Variants in ASTN2 observed in about 807,000 individuals in gnomAD.
ASTN2 encodes the protein astrotactin 2.
ASTN2 carries 54 observed loss-of-function variants against 139.8 expected under a neutral mutation model. The ratio of observed to expected loss-of-function variants is 0.39; its 90% CI spans 0.31 to 0.48. The LOEUF is 0.48. Among genes scored for constraint, ASTN2 ranks in the 20% least tolerant of loss-of-function variants. ASTN2 has a pLI of 0.95. For synonymous variants in ASTN2, 756 were observed against 719.5 expected, an observed-to-expected ratio of 1.05 and a Z score of -0.81; for missense variants, 1,565 against 1,725.1, an observed-to-expected ratio of 0.91 and a Z score of 1.64.
chr9:116,946,672 G>C (rs1835402826), intron 10 of ASTN2, among the ~76,000 whole-genome samples: 1 of 152,062 alleles, frequency 6.6e-6, no homozygotes, highest in East Asian at 1.9e-4. Context: ...TACTCCGGGA[G>C]TGTTTTTCGT....
chr9:116,860,180 T>C (rs992449261), intron 11 of ASTN2, among the ~76,000 whole-genome samples: 11 of 152,140 alleles, frequency 7.2e-5, no homozygotes, highest in African/African-American at 9.7e-5. Context: ...TGAGCTAAAA[T>C]GTTCAGTTAA....
At chr9:116,850,258 A>G (rs1333092024) in intron 11 of ASTN2, among the ~76,000 whole-genome samples, 1 of 152,160 alleles carries the variant, frequency 6.6e-6, no homozygotes, top group Non-Finnish European at 1.5e-5. Context: ...TCTACATGCT[A>G]TTTACTGAGT....
intron 10 of ASTN2, among the ~76,000 whole-genome samples, chr9:116,949,103 A>G (rs545477572): frequency 6.6e-6 from 1 of 151,932 alleles, no homozygotes; most frequent in African/African-American, 2.4e-5. Flanking sequence ...TCTCTTTTTC[A>G]AAACAGTAAT....
Position 116,829,264 on chromosome 9 carries a change from A to C in ASTN2, c.2041-8481T>G, listed in dbSNP as rs529947181. Among the ~76,000 whole-genome samples, 3 of 151,534 alleles carry C rather than the reference A, an allele frequency of 2.0e-5. No individual in the cohort carries two copies. The Admixed American group carries it at 2.0e-4, about 10-fold the overall frequency. On this transcript the variant is annotated intron_variant, in intron 11 of 22. Coordinates refer to ENST00000313400, the MANE Select transcript of ASTN2 (RefSeq NM_001365068.1). ...ATTATCTGACTTCAAATTATAGTAC[A>C]AGGCATAGTAACCACAAAACCATGG... is the stretch of plus-strand genomic sequence containing the variant.
At chr9:117,021,081 A>C (rs1476034800) in intron 6 of ASTN2, among the ~76,000 whole-genome samples, 2 of 151,854 alleles carry the variant, frequency 1.3e-5, no homozygotes, top group African/African-American at 4.8e-5. Context: ...CTAACTTTTA[A>C]ATTTTTTGTA....
At chr9:116,873,449 G>A (rs142955089) in intron 10 of ASTN2, among the ~76,000 whole-genome samples, 32 of 152,306 alleles carry the variant, frequency 2.1e-4, no homozygotes, top group African/African-American at 7.0e-4. Context: ...AGGAGGCATG[G>A]CCATTTTCCT....
chr9:116,534,309 C>A (rs1044698675), intron 19 of ASTN2, among the ~76,000 whole-genome samples: 4 of 152,112 alleles, frequency 2.6e-5, no homozygotes, highest in African/African-American at 9.7e-5. Flanking sequence ...TTTCAAAAAA[C>A]CAGCTCCTGG....
intron 3 of ASTN2, among the ~76,000 whole-genome samples, chr9:117,164,157 A>G (rs1196197751): frequency 6.6e-6 from 1 of 152,110 alleles, no homozygotes; most frequent in East Asian, 1.9e-4. Flanking sequence ...TATCAGTTTT[A>G]GAAGCATCCA....
chr9:117,051,462 T>C (rs1390547545), intron 5 of ASTN2, among the ~76,000 whole-genome samples: 1 of 152,144 alleles, frequency 6.6e-6, no homozygotes, highest in South Asian at 2.1e-4. Context: ...TATTACTATG[T>C]AGTCTCTCTT....
intron 11 of ASTN2, among the ~76,000 whole-genome samples, chr9:116,853,662 C>G (rs1342462811): frequency 6.6e-6 from 1 of 152,190 alleles, no homozygotes; most frequent in African/African-American, 2.4e-5. Flanking sequence ...ACCCTTTAGG[C>G]CAAATACCCT....
chr9:116,667,605 A>C (rs1283635966), intron 16 of ASTN2, among the ~76,000 whole-genome samples: 2 of 152,328 alleles, frequency 1.3e-5, no homozygotes, highest in Non-Finnish European at 2.9e-5. Context: ...CATTGAGAAA[A>C]GACGGCTGCC....
intron 7 of ASTN2, 74 bp from the exon 8 acceptor site, chr9:116,976,859 T>C: frequency 7.2e-7 from 1 of 1,388,074 alleles, no homozygotes; most frequent in South Asian, 1.2e-5. Context: ...TTTGCTTGTT[T>C]TCCTAAGACA....
At chr9:117,276,588 A>AAAAC (rs1834195437) in intron 2 of ASTN2, among the ~76,000 whole-genome samples, 2 of 152,212 alleles carry the variant, frequency 1.3e-5, no homozygotes, top group Non-Finnish European at 1.5e-5. Context: ...CAGGACACAT[A>AAAAC]AGGACTGTAA....
intron 1 of ASTN2, among the ~76,000 whole-genome samples, chr9:117,409,396 T>A (rs1345114806): frequency 1.3e-5 from 2 of 152,190 alleles, no homozygotes; most frequent in Non-Finnish European, 2.9e-5. Flanking sequence ...AATAAGGGTA[T>A]ACAACGGTCT....
rs185625535 is a variant in ASTN2, at chr9:116,804,402, G to T, written c.2396+1230C>A. Among the ~76,000 whole-genome samples the T allele has an allele frequency of 4.6e-5, 7 of 152,076 alleles. No homozygotes were observed. The East Asian group carries it at 1.2e-3, about 25-fold the overall frequency. On this transcript the variant is annotated intron_variant, in intron 13 of 22. Transcript: ENST00000313400. ...ATGAAGCTAAAATGAAATTATCTTGGCTCTCCTACTTCCTAGAAGGGAGTC... is the reference window on the plus strand; with the variant it reads ...ATGAAGCTAAAATGAAATTATCTTGTCTCTCCTACTTCCTAGAAGGGAGTC...
intron 10 of ASTN2, among the ~76,000 whole-genome samples, chr9:116,931,374 C>T (rs1834893089): frequency 6.6e-6 from 1 of 152,080 alleles, no homozygotes; most frequent in South Asian, 2.1e-4. Context: ...GAGTCACTGC[C>T]CCACAGGGAG....
At chr9:117,133,856 G>C (rs1829880372) in intron 4 of ASTN2, among the ~76,000 whole-genome samples, 1 of 152,066 alleles carries the variant, frequency 6.6e-6, no homozygotes. Context: ...AGAAGTTCAA[G>C]CTGCAAAAAG....
intron 1 of ASTN2, among the ~76,000 whole-genome samples, chr9:117,399,003 G>A (rs1296014952): frequency 2.0e-5 from 3 of 152,132 alleles, no homozygotes; most frequent in Non-Finnish European, 4.4e-5. Context: ...GGATGGTCTT[G>A]ATCTCCTGAA....
chr9:116,666,735 G>A (rs1858884569), intron 16 of ASTN2, among the ~76,000 whole-genome samples: 1 of 151,946 alleles, frequency 6.6e-6, no homozygotes, highest in African/African-American at 2.4e-5. Flanking sequence ...ACAAAAACAG[G>A]TGGTGAATCC....
Sources: gnomAD v4.1 joint callset for allele counts (sites outside exome capture counted in the v4.1 genomes callset) on GRCh38, gnomAD v4.1.1 for gene constraint, MANE v1.5 for transcripts, NCBI Gene and HGNC (gene_info 2026-07-23, HGNC 2026-07-21) for gene names.